The following MOXD1 variants were observed in gnomAD, a reference collection of about 807,000 sequenced individuals.
MOXD1 encodes DBH-like monooxygenase protein 1.
In MOXD1, 62 loss-of-function variants were observed where a neutral mutation model predicts 66.6. That is an observed-to-expected ratio of 0.93 (90% CI 0.76 to 1.15). MOXD1 has a LOEUF of 1.15. Ranked by LOEUF, MOXD1 falls within the 50% of genes most tolerant of loss-of-function variation. MOXD1 has a pLI of 0.00. For missense variants in MOXD1, 847 were observed against 754.6 expected (o/e 1.12, Z -1.44); for synonymous variants, 303 against 281.9 (o/e 1.07, Z -0.75).
chr6:132,322,655 GAAAAAGAAC>G lies in MOXD1; in HGVS notation c.1305+15_1305+23del. The G allele has an allele frequency of 6.3e-7, 1 of 1,598,586 alleles. No homozygotes were observed. Among genetic ancestry groups the G allele is most frequent in the South Asian group, 1.1e-5 (1 of 88,494 alleles). On this transcript the variant is annotated intron_variant, in intron 8 of 11. Transcript: ENST00000367963. ...TCTCATGACTTTCATAACAGTCAAT[GAAAAAGAAC>G]AAAAACATGCATACTGGTAAGATTG...
rs187233983 is a variant in MOXD1, at chr6:132,384,057, A to T, written c.265-9280T>A. Among the ~76,000 whole-genome samples, 137 of 152,308 alleles carry T rather than the reference A, an allele frequency of 9.0e-4. 2 individuals carry two copies. Among genetic ancestry groups the T allele is most frequent in the Admixed American group, 8.5e-3 (130 of 15,308 alleles). Reference sequence around the variant, plus strand: ...GCAGTCCAGCCTGGGCGGCAGAGCAAGATTCTGTCTCAAAAAAAAATGAAT... The same window carrying T: ...GCAGTCCAGCCTGGGCGGCAGAGCATGATTCTGTCTCAAAAAAAAATGAAT... On this transcript the variant is annotated intron_variant, in intron 1 of 11. Coordinates refer to ENST00000367963, the MANE Select transcript of MOXD1 (RefSeq NM_015529.4).
intron 1 of MOXD1, among the ~76,000 whole-genome samples, chr6:132,387,404 G>A (rs1582609992): frequency 6.6e-6 from 1 of 151,182 alleles, no homozygotes; most frequent in South Asian, 2.1e-4. Context: ...TATTATTTAA[G>A]AATATCGCTA....
At chr6:132,328,617 G>T in intron 4 of MOXD1, 23 bp from the exon 5 acceptor site, 1 of 1,608,104 alleles carries the variant, frequency 6.2e-7, no homozygotes, top group Non-Finnish European at 8.5e-7. Context: ...AAATGAGAGG[G>T]AGGACACAAT....
chr6:132,393,500 T>C (rs1776811370), intron 1 of MOXD1, among the ~76,000 whole-genome samples: 1 of 152,070 alleles, frequency 6.6e-6, no homozygotes, highest in Non-Finnish European at 1.5e-5. Context: ...AAAGGGTAAG[T>C]GAGAGACACC....
intron 1 of MOXD1, among the ~76,000 whole-genome samples, chr6:132,379,954 G>T (rs866742841): frequency 7.9e-5 from 12 of 152,078 alleles, no homozygotes; most frequent in Non-Finnish European, 1.3e-4. Context: ...TTTTCACCAC[G>T]TTGCCCAGGC....
intron 4 of MOXD1, among the ~76,000 whole-genome samples, chr6:132,332,785 T>A (rs1775350087): frequency 6.6e-6 from 1 of 152,300 alleles, no homozygotes; most frequent in East Asian, 1.9e-4. Context: ...CACAACAAGT[T>A]CTACAAACAT....
At chr6:132,374,509 A>C (rs1776335318) in intron 2 of MOXD1, 122 bp downstream of exon 2, 1 of 1,052,588 alleles carries the variant, frequency 9.5e-7, no homozygotes, top group African/African-American at 1.7e-5. Context: ...AAAAAAAATC[A>C]AAAAAGATTT....
chr6:132,320,911 C>T (rs1775065005), intron 8 of MOXD1, among the ~76,000 whole-genome samples: 1 of 152,216 alleles, frequency 6.6e-6, no homozygotes, highest in South Asian at 2.1e-4. Context: ...AACATTCTAG[C>T]TGGATGAACT....
chr6:132,335,579 A>T (rs1775420059), intron 4 of MOXD1, among the ~76,000 whole-genome samples: 1 of 151,500 alleles, frequency 6.6e-6, no homozygotes, highest in Non-Finnish European at 1.5e-5. Flanking sequence ...AAGCTACCAG[A>T]AGCTGGAAGA....
chr6:132,298,701 A>T (rs757395319), intron 10 of MOXD1, among the ~76,000 whole-genome samples: 2 of 152,158 alleles, frequency 1.3e-5, no homozygotes, highest in African/African-American at 2.4e-5. Flanking sequence ...AAAAATGCAA[A>T]TAAAAACCAG....
intron 4 of MOXD1, among the ~76,000 whole-genome samples, chr6:132,337,303 C>A (rs111247155): frequency 6.6e-6 from 1 of 152,184 alleles, no homozygotes; most frequent in Admixed American, 6.5e-5. Flanking sequence ...TATGTATGTG[C>A]AATCATGCAT....
chr6:132,328,272 CCCTT>C lies in MOXD1; in HGVS notation c.843+139_843+142del, dbSNP rs774530723. 3.5e-5 allele frequency: 43 copies of C among 1,222,106 alleles called. 1 individual carries two copies. The highest frequency in any genetic ancestry group is 1.3e-4 in the Admixed American group (5 of 37,948). 75.7% of individuals were successfully genotyped at this position (1,222,106 alleles called of 1,614,324 possible). ...AATAAAAATGACTTAAAGAAAGAAT[CCCTT>C]CCTACGAAAATGGAGTTAAGCCACC... On this transcript the variant is annotated intron_variant, in intron 5 of 11. Transcript: ENST00000367963.
intron 4 of MOXD1, among the ~76,000 whole-genome samples, chr6:132,338,546 C>G (rs1775485954): frequency 6.6e-6 from 1 of 152,178 alleles, no homozygotes; most frequent in South Asian, 2.1e-4. Context: ...GAATCACACT[C>G]TTGCTCAGCT....
intron 4 of MOXD1, among the ~76,000 whole-genome samples, chr6:132,328,932 T>C (rs1439386947): frequency 6.6e-6 from 1 of 152,178 alleles, no homozygotes; most frequent in Non-Finnish European, 1.5e-5. Context: ...TTTTTCCAGG[T>C]TTGCTCTTCC....
intron 9 of MOXD1, among the ~76,000 whole-genome samples, chr6:132,319,675 CA>C (rs1775033922): frequency 6.6e-6 from 1 of 150,802 alleles, no homozygotes. Context: ...ATTTCTTTTC[CA>C]GTACAATGTT....
chr6:132,371,000 G>A (rs1420590452), intron 4 of MOXD1, among the ~76,000 whole-genome samples: 1 of 152,102 alleles, frequency 6.6e-6, no homozygotes, highest in Admixed American at 6.5e-5. Context: ...TCAATTATTA[G>A]CATTAACAAT....
intron 2 of MOXD1, among the ~76,000 whole-genome samples, chr6:132,373,904 T>A (rs994207289): frequency 6.6e-6 from 1 of 152,180 alleles, no homozygotes; most frequent in Admixed American, 6.5e-5. Context: ...TAAAAAGTAA[T>A]CCCTCTCTTT....
rs765949613 is a variant in MOXD1 at position 132,328,542 on chromosome 6, A to T, written c.716T>A (p.Leu239His). The T allele has an allele frequency of 1.2e-6, 2 of 1,614,104 alleles. No individual in the cohort carries two copies. Among genetic ancestry groups the T allele is most frequent in the Non-Finnish European group, 1.7e-6 (2 of 1,179,998 alleles). The change falls in exon 5 of 12, where the codon CTC becomes CAC. Residue 239 changes from leucine (L) to histidine (H), a missense_variant. Transcript: ENST00000367963. The part of the protein sequence containing the change: ...GHESLVHHIL[L>H]YQCSNNFNDS... ...GTTAAAGTTGTTGCTGCACTGATAG[A>T]GCAGGATGTGGTGCACCAGACTCTC...
At chr6:132,356,386 C>T (rs1000923149) in intron 4 of MOXD1, among the ~76,000 whole-genome samples, 2 of 152,106 alleles carry the variant, frequency 1.3e-5, no homozygotes, top group South Asian at 2.1e-4. Context: ...ATTTAAAAGA[C>T]TAAAATATCC....
Sources: gnomAD v4.1 joint callset for allele counts (sites outside exome capture counted in the v4.1 genomes callset) on GRCh38, gnomAD v4.1.1 for gene constraint, MANE v1.5 for transcripts, NCBI Gene and HGNC (gene_info 2026-07-23, HGNC 2026-07-21) for gene names.